The following UTP6 variants were observed in gnomAD, a reference collection of about 807,000 sequenced individuals.
UTP6 encodes U3 small nucleolar RNA-associated protein 6 homolog.
In UTP6, 60 loss-of-function variants were observed where a neutral mutation model predicts 96.5. That is an observed-to-expected ratio of 0.62 (90% CI 0.51 to 0.77). UTP6 has a LOEUF of 0.77. Among genes scored for constraint, UTP6 ranks in the 30% least tolerant of loss-of-function variants. The probability of loss-of-function intolerance (pLI) is 0.00; values close to 1 mark genes in which losing one functional copy is unlikely to be tolerated. For synonymous variants in UTP6, 215 were observed against 240.1 expected, an observed-to-expected ratio of 0.90 and a Z score of 0.96; for missense variants, 637 against 706.5, an observed-to-expected ratio of 0.90 and a Z score of 1.12.
chr17:31,891,839 G>A (rs1331525064), intron 6 of UTP6, among the ~76,000 whole-genome samples: 6 of 152,244 alleles, frequency 3.9e-5, no homozygotes, highest in South Asian at 4.1e-4. Context: ...CCTGACCAAC[G>A]TGGTAAAACC....
At chr17:31,881,586 T>C (rs1307869643) in intron 10 of UTP6, among the ~76,000 whole-genome samples, 1 of 152,170 alleles carries the variant, frequency 6.6e-6, no homozygotes, top group Non-Finnish European at 1.5e-5. Flanking sequence ...CTGTCCCACA[T>C]TTATTGAGTT....
rs1909636702 is a variant in UTP6, at chr17:31,863,426, A to G, written c.1727T>C (p.Met576Thr). ...TGCCTCTGCTGACTCTCCCTGCAAC[A>G]TTTTCATCGCTCGCCAGTAGATCTG... is the stretch of plus-strand genomic sequence containing the variant. ...CGQIYWRAMK[M>T]LQGESAEAFV... is the part of the protein sequence containing the mutation. The change falls in exon 19 of 19, where the codon ATG becomes ACG. Residue 576 changes from methionine to threonine, a missense_variant. Met to Thr is a moderately conservative substitution (Grantham distance 81). Coordinates refer to ENST00000261708, the MANE Select transcript of UTP6 (RefSeq NM_018428.3). 1 of 1,613,718 alleles carries G rather than the reference A, an allele frequency of 6.2e-7. No homozygotes were observed. The highest frequency in any genetic ancestry group is 1.3e-5 in the African/African-American group (1 of 74,786).
chr17:31,899,194 G>A (rs1249841538), intron 2 of UTP6, among the ~76,000 whole-genome samples: 5 of 152,176 alleles, frequency 3.3e-5, no homozygotes, highest in Non-Finnish European at 5.9e-5. Flanking sequence ...CTACTCCAGA[G>A]GCTGAGGTGG....
intron 13 of UTP6, among the ~76,000 whole-genome samples, chr17:31,876,078 G>C (rs1484986902): frequency 6.6e-6 from 1 of 151,676 alleles, no homozygotes; most frequent in Non-Finnish European, 1.5e-5. Context: ...CTGTAACCCA[G>C]CCTGGAGTAC....
chr17:31,876,735 C>A (rs1199617694), intron 13 of UTP6, among the ~76,000 whole-genome samples: 1 of 144,684 alleles, frequency 6.9e-6, no homozygotes, highest in Non-Finnish European at 1.5e-5. Flanking sequence ...AAATAGGCTG[C>A]GCTCAGTGGC....
intron 11 of UTP6, among the ~76,000 whole-genome samples, chr17:31,879,206 G>A (rs900808556): frequency 7.9e-5 from 12 of 151,056 alleles, no homozygotes; most frequent in African/African-American, 2.7e-4. Context: ...CCTGGCCAAC[G>A]TGGTGAAACC....
intron 7 of UTP6, 38 bp from the exon 8 acceptor site, chr17:31,887,351 CTTT>C (rs759039201): frequency 1.3e-6 from 2 of 1,596,174 alleles, no homozygotes; most frequent in Non-Finnish European, 1.7e-6. Context: ...TTTGGAGATG[CTTT>C]TTAAAATTTT....
At chr17:31,865,759 C>A (rs1008403218) in intron 17 of UTP6, among the ~76,000 whole-genome samples, 1 of 152,254 alleles carries the variant, frequency 6.6e-6, no homozygotes, top group East Asian at 1.9e-4. Flanking sequence ...AAAGAAACAG[C>A]GAAGGTTCTA....
At chr17:31,901,372 G>C (rs1035874290) in intron 1 of UTP6, 164 bp downstream of exon 1, 2 of 649,090 alleles carry the variant, frequency 3.1e-6, no homozygotes, top group Admixed American at 5.4e-5. Flanking sequence ...ACCTTGCAAC[G>C]AATGAAAAAT....
intron 11 of UTP6, among the ~76,000 whole-genome samples, chr17:31,879,013 T>C (rs1164485311): frequency 1.3e-5 from 2 of 152,146 alleles, no homozygotes; most frequent in Non-Finnish European, 2.9e-5. Flanking sequence ...AGCTTAAATA[T>C]AAAAATTGAA....
At chr17:31,888,504 T>C (rs189485710) in intron 7 of UTP6, among the ~76,000 whole-genome samples, 3 of 151,464 alleles carry the variant, frequency 2.0e-5, no homozygotes, top group Non-Finnish European at 4.4e-5. Flanking sequence ...AGTTCGGGAG[T>C]TTGAGACCAG....
intron 1 of UTP6, 118 bp from the exon 2 acceptor site, chr17:31,899,848 A>G (rs1904868921): frequency 9.2e-6 from 7 of 758,292 alleles, no homozygotes; most frequent in African/African-American, 3.6e-5. Context: ...GTTATCTTTC[A>G]TAAGAAAGTA....
rs1174300613 is a variant in UTP6, at chr17:31,894,644, CT to C, written c.312del (p.Asp105ThrfsTer83). 3.1e-6 allele frequency: 5 copies of C among 1,602,086 alleles called. No homozygotes were observed. The highest frequency in any genetic ancestry group is 4.3e-6 in the Non-Finnish European group (5 of 1,171,894). On this transcript the variant is annotated frameshift_variant and splice_region_variant, in exon 4 of 19. Transcript: ENST00000261708. LOFTEE classifies it high-confidence loss of function. ...GVFQRASAKW[K>X]DDVQLWLSYV... ...AAGTTAAGGATGCCTTGATCACTCACTTTCCATTTTGCTGAGGCACGCTGGA... is the reference window on the plus strand; with the variant it reads ...AAGTTAAGGATGCCTTGATCACTCACTTCCATTTTGCTGAGGCACGCTGGA...
intron 18 of UTP6, among the ~76,000 whole-genome samples, chr17:31,864,188 C>G (rs989465639): frequency 1.3e-5 from 2 of 152,070 alleles, no homozygotes; most frequent in Non-Finnish European, 2.9e-5. Flanking sequence ...AGTTCAAGAC[C>G]AGCCTAGCCA....
At chr17:31,877,054 A>C (rs1363239783) in intron 13 of UTP6, among the ~76,000 whole-genome samples, 1 of 152,090 alleles carries the variant, frequency 6.6e-6, no homozygotes, top group Non-Finnish European at 1.5e-5. Flanking sequence ...CAATCCACAA[A>C]ATCAGTATTT....
rs1406916928 is a variant in UTP6, at chr17:31,880,623, T to A, written c.917A>T (p.Glu306Val). The change falls in exon 11 of 19, where the codon GAG becomes GTG. Residue 306 changes from glutamate (E) to valine (V), a missense_variant. Transcript: ENST00000261708. ...TTCATACACAGCACAGCACCTCTCC[T>A]CCTTCCGGCCGACCTCCACTGCTTT... ...QAKAVEVGRK[E>V]ERCCAVYEEA... 6.2e-7 allele frequency: 1 copy of A among 1,614,096 alleles called. No homozygotes were observed. The highest frequency in any genetic ancestry group is 1.7e-5 in the Admixed American group (1 of 59,974).
chr17:31,883,609 C>G (rs1910971928), intron 10 of UTP6, among the ~76,000 whole-genome samples: 1 of 152,010 alleles, frequency 6.6e-6, no homozygotes, highest in African/African-American at 2.4e-5. Context: ...GCCACCGTGC[C>G]TGGCTAGATT....
chr17:31,867,277 G>A (rs542276486), intron 17 of UTP6, among the ~76,000 whole-genome samples: 1 of 152,288 alleles, frequency 6.6e-6, no homozygotes, highest in Non-Finnish European at 1.5e-5. Flanking sequence ...GGAGGCTGAG[G>A]GGGGCGGATC....
rs757250955 is a variant in UTP6 at position 31,886,074 on chromosome 17, A to G, written c.622-13T>C. Reference sequence around the variant, plus strand: ...AATCAGGATTCTCCTAAAGAGTGTTATATCAAACGTAACTTAACAGGTAGT... The same window carrying G: ...AATCAGGATTCTCCTAAAGAGTGTTGTATCAAACGTAACTTAACAGGTAGT... On this transcript the variant is annotated splice_polypyrimidine_tract_variant and intron_variant, in intron 8 of 18. Coordinates refer to ENST00000261708, the MANE Select transcript of UTP6 (RefSeq NM_018428.3). The G allele has an allele frequency of 3.4e-5, 54 of 1,608,382 alleles. No homozygotes were observed. Among genetic ancestry groups the G allele is most frequent in the South Asian group, 1.1e-5 (1 of 89,816 alleles).
Sources: allele counts gnomAD v4.1 joint callset (sites outside exome capture counted in the v4.1 genomes callset), GRCh38; gene constraint gnomAD v4.1.1; transcripts MANE v1.5; gene names NCBI Gene and HGNC (gene_info 2026-07-23, HGNC 2026-07-21).